Variants in HIBCH observed in about 807,000 individuals in gnomAD.
HIBCH encodes the protein 3-hydroxyisobutyryl-CoA hydrolase, also known as 3-hydroxyisobutyryl-CoA hydrolase, mitochondrial.
HIBCH carries 50 observed loss-of-function variants against 58.2 expected under a neutral mutation model. The observed-to-expected ratio is 0.86, with a 90% CI of 0.68 to 1.09. The LOEUF is 1.09. Ranked by LOEUF, HIBCH falls within the 50% of genes least tolerant of loss-of-function variation. HIBCH has a pLI of 0.00. For synonymous variants in HIBCH, 151 were observed against 146.9 expected, an observed-to-expected ratio of 1.03 and a Z score of -0.20; for missense variants, 450 against 449.7, an observed-to-expected ratio of 1.00 and a Z score of -0.01.
chr2:190,303,107 CAA>C (rs916823413), intron 2 of HIBCH, among the ~76,000 whole-genome samples: 4 of 152,128 alleles, frequency 2.6e-5, no homozygotes, highest in African/African-American at 7.2e-5. Context: ...GGATTAAAGA[CAA>C]AGACATCACT....
At chr2:190,293,119 A>C (rs1687997751) in intron 4 of HIBCH, among the ~76,000 whole-genome samples, 1 of 152,202 alleles carries the variant, frequency 6.6e-6, no homozygotes, top group Admixed American at 6.5e-5. Context: ...CAATACATAA[A>C]GCTCTGCCCA....
At position 190,211,425 on chromosome 2, in the gene HIBCH, GT is replaced by G. The variant is rs527597331; in HGVS notation, c.1011+1530del. 6.6e-5 allele frequency among the ~76,000 whole-genome samples: 10 copies of G among 152,192 alleles called. No individual in the cohort carries two copies. The South Asian group carries it at 2.1e-3, about 32-fold the overall frequency. The stretch of plus-strand genomic sequence containing the variant: ...GATCACTGCAGGAAATCTATATCTG[GT>G]CTCTAAACCGTTCTTGAACCTCTCC... On this transcript the variant is annotated intron_variant, in intron 12 of 13. Coordinates refer to ENST00000359678, the MANE Select transcript of HIBCH (RefSeq NM_014362.4). The surrounding 1 kb of genome is among the most constrained non-coding windows in gnomAD (Gnocchi z 5.0).
chr2:190,205,975 G>A (rs1035195561), intron 13 of HIBCH, among the ~76,000 whole-genome samples: 1 of 152,104 alleles, frequency 6.6e-6, no homozygotes, highest in African/African-American at 2.4e-5. Context: ...TCTTACAACC[G>A]CATGAATCTA....
chr2:190,257,586 GAT>G (rs567438226), intron 7 of HIBCH, among the ~76,000 whole-genome samples: 20 of 152,226 alleles, frequency 1.3e-4, no homozygotes, highest in African/African-American at 4.1e-4. Context: ...ATATTAAAAA[GAT>G]AATAGGGGAA....
At chr2:190,290,583 G>C (rs1687934616) in intron 4 of HIBCH, 98 bp from the exon 5 acceptor site, 1 of 795,130 alleles carries the variant, frequency 1.3e-6, no homozygotes, top group African/African-American at 1.7e-5. Context: ...TGGGGGAAGG[G>C]AGTACTCTAA....
chr2:190,319,264 C>A (rs1478310328), intron 1 of HIBCH, among the ~76,000 whole-genome samples: 1 of 152,234 alleles, frequency 6.6e-6, no homozygotes, highest in Non-Finnish European at 1.5e-5. Context: ...AATGCCTATA[C>A]TGACGCTGCA....
At chr2:190,203,149 C>G (rs538849992), downstream of HIBCH, 2 of 167,048 alleles carry the variant, frequency 1.2e-5, no homozygotes, top group Non-Finnish European at 2.9e-5. Context: ...GGAAACTATA[C>G]TTTTGTATTA....
chr2:190,246,626 G>A (rs910824481), intron 9 of HIBCH, among the ~76,000 whole-genome samples: 29 of 152,210 alleles, frequency 1.9e-4, no homozygotes, highest in African/African-American at 7.0e-4. Flanking sequence ...CTCTCAAGGA[G>A]GAGTTCACAA....
In HIBCH at chr2:190,215,542, GC is replaced by G. The variant is rs1690609392; in HGVS notation, c.892-2468del. On this transcript the variant is annotated intron_variant, in intron 11 of 13. Coordinates refer to ENST00000359678, the MANE Select transcript of HIBCH (RefSeq NM_014362.4). This position sits in a 1 kb window ranked among gnomAD's most constrained non-coding sequence, Gnocchi z 4.4. ...AATCCAGAGGACCCAGTAGGGCAAG[GC>G]CTTTAATTTTAAAGGTTAATTTTCT... 6.6e-6 allele frequency: 1 copy of G among 152,148 alleles called. No homozygotes were observed. The highest frequency in any genetic ancestry group is 1.5e-5 in the Non-Finnish European group (1 of 68,026). 9.4% of individuals were successfully genotyped at this position (152,148 alleles called of 1,614,324 possible).
chr2:190,205,585 T>C (rs187699565), intron 13 of HIBCH, among the ~76,000 whole-genome samples: 2 of 152,240 alleles, frequency 1.3e-5, no homozygotes, highest in Admixed American at 1.3e-4. Context: ...AACCAGTGGT[T>C]TAAAGTAAAG....
intron 6 of HIBCH, among the ~76,000 whole-genome samples, chr2:190,263,053 A>C (rs1339300838): frequency 6.6e-6 from 1 of 152,182 alleles, no homozygotes; most frequent in Non-Finnish European, 1.5e-5. Context: ...TCTTACATCA[A>C]AGAATCTATT....
intron 1 of HIBCH, among the ~76,000 whole-genome samples, chr2:190,317,301 A>C (rs1284948889): frequency 6.6e-6 from 1 of 152,226 alleles, no homozygotes; most frequent in African/African-American, 2.4e-5. Flanking sequence ...CAGAATTGGT[A>C]ATCAAAAATT....
chr2:190,244,845 C>T (rs1390095558), intron 11 of HIBCH, 42 bp downstream of exon 11: 1 of 1,289,704 alleles, frequency 7.8e-7, no homozygotes, highest in East Asian at 2.3e-5. Context: ...TGTCACCGGA[C>T]TTCACTATGT....
At chr2:190,202,777 T>C (rs149986590), downstream of HIBCH, 7 of 167,206 alleles carry the variant, frequency 4.2e-5, no homozygotes, top group East Asian at 1.2e-3. Context: ...GGTGGCAACA[T>C]GGAAGCAGGT....
At chr2:190,201,781 C>G (rs2105891945), downstream of HIBCH, 1 of 167,030 alleles carries the variant, frequency 6.0e-6, no homozygotes, top group East Asian at 1.9e-4. Context: ...AGAAAAACAA[C>G]CAAACCCATT....
intron 6 of HIBCH, among the ~76,000 whole-genome samples, chr2:190,264,509 T>C (rs1023500426): frequency 5.9e-5 from 9 of 152,164 alleles, no homozygotes; most frequent in Non-Finnish European, 1.2e-4. Context: ...AACAAAGGAT[T>C]AGAGTTTTTT....
intron 13 of HIBCH, chr2:190,208,654 G>C (rs1199948874): frequency 1.7e-6 from 1 of 573,678 alleles, no homozygotes; most frequent in African/African-American, 2.0e-5. Flanking sequence ...GGGATCAGAA[G>C]TGTTTCAGGT....
At chr2:190,195,941 C>CTTTT (rs35679833) in intron 1 of HIBCH, among the ~76,000 whole-genome samples, 6,379 of 84,512 alleles carry the variant, frequency 0.075, 145 homozygotes, top group Non-Finnish European at 0.11. Flanking sequence ...CTGTGTCCAG[C>CTTTT]TTTTTTTTTT....
Position 190,209,077 on chromosome 2 carries a change from C to A in HIBCH, c.1012-164G>T, listed in dbSNP as rs1396835874. ...CTGATAGCCCACTCTCTGATCACCACCTCCTAAATCTTATTTGCTCAAGTA... is the reference window on the plus strand; with the variant it reads ...CTGATAGCCCACTCTCTGATCACCAACTCCTAAATCTTATTTGCTCAAGTA... On this transcript the variant is annotated intron_variant, in intron 12 of 13. Transcript: ENST00000359678. This position sits in a 1 kb window ranked among gnomAD's most constrained non-coding sequence, Gnocchi z 5.6. Among the ~76,000 whole-genome samples, 3 of 152,136 alleles carry A rather than the reference C, an allele frequency of 2.0e-5. No homozygotes were observed. Among genetic ancestry groups the A allele is most frequent in the Non-Finnish European group, 4.4e-5 (3 of 68,026 alleles).
Sources: allele counts gnomAD v4.1 joint callset (sites outside exome capture counted in the v4.1 genomes callset), GRCh38; gene constraint gnomAD v4.1.1; non-coding constraint Gnocchi (gnomAD v3.1); transcripts MANE v1.5; gene names NCBI Gene and HGNC (gene_info 2026-07-23, HGNC 2026-07-21).